MALRD1: variants seen among roughly 807,000 people sequenced by gnomAD.
MALRD1 encodes the protein MAM and LDL receptor class A domain containing 1.
In MALRD1, 247 loss-of-function variants were observed where a neutral mutation model predicts 242.1. The ratio of observed to expected loss-of-function variants is 1.02; its 90% CI spans 0.92 to 1.13. The LOEUF is 1.13. Ranked by LOEUF, MALRD1 falls within the 50% of genes most tolerant of loss-of-function variation. MALRD1 has a pLI of 0.00. For missense variants in MALRD1, 2,989 were observed against 2,533.1 expected, an observed-to-expected ratio of 1.18 and a Z score of -3.86; for synonymous variants, 995 against 866.6, an observed-to-expected ratio of 1.15 and a Z score of -2.60.
chr10:19,446,363 T>G (rs1834980593), intron 28 of MALRD1, among the ~76,000 whole-genome samples: 1 of 152,170 alleles, frequency 6.6e-6, no homozygotes, highest in South Asian at 2.1e-4. Context: ...TTGTATTTAT[T>G]TACCCTTATT....
intron 38 of MALRD1, among the ~76,000 whole-genome samples, chr10:19,695,183 C>T (rs1168703692): frequency 6.6e-6 from 1 of 151,968 alleles, no homozygotes; most frequent in African/African-American, 2.4e-5. Flanking sequence ...TAAAAAACTG[C>T]ACGTCATGCA....
chr10:19,377,650 A>G (rs1048928431), intron 26 of MALRD1, among the ~76,000 whole-genome samples: 3 of 148,234 alleles, frequency 2.0e-5, no homozygotes, highest in Admixed American at 1.4e-4. Flanking sequence ...TTTTTTTTTC[A>G]TTTTTGATAC....
At chr10:19,136,813 G>A (rs750187316) in intron 10 of MALRD1, 32 bp downstream of exon 10, 84 of 1,206,006 alleles carry the variant, frequency 7.0e-5, no homozygotes, top group Non-Finnish European at 8.4e-5. Flanking sequence ...TAGTTTACAT[G>A]CTCTAATTCA....
chr10:19,148,184 A>G (rs891149973), intron 11 of MALRD1, among the ~76,000 whole-genome samples: 1 of 152,028 alleles, frequency 6.6e-6, no homozygotes, highest in African/African-American at 2.4e-5. Flanking sequence ...TCAGTGAGAG[A>G]TGATGAAGGC....
intron 18 of MALRD1, among the ~76,000 whole-genome samples, chr10:19,219,565 T>C (rs1283697493): frequency 1.3e-5 from 2 of 152,114 alleles, no homozygotes; most frequent in Admixed American, 6.6e-5. Context: ...GCCTCCCAAG[T>C]AGCTGCGCCT....
chr10:19,575,849 C>T lies in MALRD1; in HGVS notation c.5680+8146C>T, dbSNP rs530664752. ...AGACCTTATGATTGTTCATCAGAAT[C>T]TCTGTAACGGCCACATAACTGATAT... On this transcript the variant is annotated intron_variant, in intron 33 of 39. Transcript: ENST00000454679. 3.5e-4 allele frequency among the ~76,000 whole-genome samples: 54 copies of T among 152,160 alleles called. 1 individual carries two copies. The highest frequency in any genetic ancestry group is 7.3e-4 in the Non-Finnish European group (50 of 68,036).
intron 32 of MALRD1, among the ~76,000 whole-genome samples, chr10:19,540,172 A>C (rs969546226): frequency 7.9e-5 from 12 of 152,052 alleles, no homozygotes; most frequent in Non-Finnish European, 1.6e-4. Context: ...TTGTCCTGTT[A>C]GAATAGGCAG....
chr10:19,451,717 A>G (rs1029347763), intron 29 of MALRD1, among the ~76,000 whole-genome samples: 8 of 152,212 alleles, frequency 5.3e-5, no homozygotes, highest in African/African-American at 1.9e-4. Flanking sequence ...GTAGTGTTAC[A>G]GCATCTGCTC....
At chr10:19,662,479 A>G (rs376136118) in intron 36 of MALRD1, among the ~76,000 whole-genome samples, 1 of 152,190 alleles carries the variant, frequency 6.6e-6, no homozygotes, top group Admixed American at 6.6e-5. Context: ...CGAGTTTAAT[A>G]TACCGTCATT....
At chr10:19,394,072 C>T (rs550316905) in intron 28 of MALRD1, among the ~76,000 whole-genome samples, 2 of 152,224 alleles carry the variant, frequency 1.3e-5, no homozygotes, top group African/African-American at 4.8e-5. Flanking sequence ...CAGGACTATC[C>T]ATTATGCAGT....
chr10:19,511,988 A>G (rs1833422217), intron 31 of MALRD1, among the ~76,000 whole-genome samples: 1 of 152,074 alleles, frequency 6.6e-6, no homozygotes, highest in South Asian at 2.1e-4. Context: ...GAGGTCTCCA[A>G]AAGATGTGCA....
At chr10:19,058,739 G>A (rs1834737654) in intron 1 of MALRD1, among the ~76,000 whole-genome samples, 1 of 151,908 alleles carries the variant, frequency 6.6e-6, no homozygotes, top group Non-Finnish European at 1.5e-5. Flanking sequence ...CACACAAAAA[G>A]AGAAATGACC....
At chr10:19,419,575 C>T (rs1403247956) in intron 28 of MALRD1, among the ~76,000 whole-genome samples, 1 of 152,148 alleles carries the variant, frequency 6.6e-6, no homozygotes, top group African/African-American at 2.4e-5. Flanking sequence ...TGGCCTCTGC[C>T]TCCCAAAGTG....
At chr10:19,581,096 T>C (rs998509529) in intron 33 of MALRD1, among the ~76,000 whole-genome samples, 4 of 152,184 alleles carry the variant, frequency 2.6e-5, no homozygotes, top group Non-Finnish European at 5.9e-5. Context: ...TGAAGGGCTC[T>C]TATGGAGACA....
chr10:19,697,127 T>C (rs1833414906), intron 38 of MALRD1, among the ~76,000 whole-genome samples: 1 of 151,912 alleles, frequency 6.6e-6, no homozygotes, highest in African/African-American at 2.4e-5. Flanking sequence ...AAAAATAGGA[T>C]ACAGAGATAG....
intron 21 of MALRD1, among the ~76,000 whole-genome samples, chr10:19,284,308 C>A (rs532960829): frequency 0.02 from 3,045 of 150,142 alleles, 50 homozygotes; most frequent in Non-Finnish European, 0.032. Flanking sequence ...TGTGCAGGTT[C>A]GTTACATATG....
intron 29 of MALRD1, among the ~76,000 whole-genome samples, chr10:19,467,170 T>A (rs1229838448): frequency 6.6e-6 from 1 of 151,708 alleles, no homozygotes; most frequent in East Asian, 2.0e-4. Flanking sequence ...GTGGCTAACT[T>A]GGTGAAATCC....
At chr10:19,452,542 C>G (rs1319096759) in intron 29 of MALRD1, among the ~76,000 whole-genome samples, 1 of 152,156 alleles carries the variant, frequency 6.6e-6, no homozygotes, top group Non-Finnish European at 1.5e-5. Context: ...TGGTTTTTAA[C>G]AGCCCAGCCA....
intron 28 of MALRD1, among the ~76,000 whole-genome samples, chr10:19,435,267 A>T (rs188919935): frequency 2.0e-3 from 304 of 152,078 alleles, no homozygotes; most frequent in Non-Finnish European, 2.8e-3. Context: ...TAGTACAGGG[A>T]GTTCCTGTAT....
Sources: allele counts gnomAD v4.1 joint callset (sites outside exome capture counted in the v4.1 genomes callset), GRCh38; gene constraint gnomAD v4.1.1; transcripts MANE v1.5; gene names NCBI Gene and HGNC (gene_info 2026-07-23, HGNC 2026-07-21).